SMARCA2: variants seen among roughly 807,000 people sequenced by gnomAD.
The protein encoded by SMARCA2 is SWI/SNF related BAF chromatin remodeling complex subunit ATPase 2.
A neutral mutation model predicts 199.8 loss-of-function variants in SMARCA2; 61 were observed. That is an observed-to-expected ratio of 0.31 (90% CI 0.25 to 0.38). The LOEUF (loss-of-function observed/expected upper bound fraction) is 0.38. SMARCA2 is among the 10% of genes least tolerant of loss of function. The pLI is 1.00. For missense variants in SMARCA2, 1,344 were observed against 2,012.2 expected (o/e 0.67, Z 6.35); for synonymous variants, 935 against 732.0 (o/e 1.28, Z -4.48).
chr9:2,119,430 G>T lies in SMARCA2; in HGVS notation c.3685-28G>T. ...TGTACCTTGCCCCAGCTGTCCACTG[G>T]TTAAAATCACTCTGTTTTTAACCCC... On this transcript the variant is annotated intron_variant, in intron 25 of 33. Coordinates refer to ENST00000349721, the MANE Select transcript of SMARCA2 (RefSeq NM_003070.5). The surrounding 1 kb of genome is among the most constrained non-coding windows in gnomAD (Gnocchi z 4.6). The T allele has an allele frequency of 6.4e-7, 1 of 1,550,956 alleles. No homozygotes were observed. Among genetic ancestry groups the T allele is most frequent in the Non-Finnish European group, 8.9e-7 (1 of 1,122,524 alleles).
At chr9:2,127,067 A>G (rs142821648) in intron 27 of SMARCA2, among the ~76,000 whole-genome samples, 1 of 152,178 alleles carries the variant, frequency 6.6e-6, no homozygotes, top group African/African-American at 2.4e-5. Flanking sequence ...TTTCTCTTGA[A>G]CTTTCCTCCT....
chr9:2,040,557 G>T (rs1819560638), intron 4 of SMARCA2: 1 of 152,404 alleles, frequency 6.6e-6, no homozygotes, highest in Non-Finnish European at 1.5e-5. Flanking sequence ...TTGGAAGGAA[G>T]TTCCTTACCA....
intron 26 of SMARCA2, among the ~76,000 whole-genome samples, chr9:2,121,058 G>C (rs1739105380): frequency 6.6e-6 from 1 of 152,206 alleles, no homozygotes; most frequent in African/African-American, 2.4e-5. Context: ...CAATAATTCA[G>C]CACTGCTAAA....
intron 5 of SMARCA2, among the ~76,000 whole-genome samples, chr9:2,049,655 A>G (rs987455947): frequency 3.3e-5 from 5 of 152,236 alleles, no homozygotes; most frequent in Admixed American, 1.3e-4. Context: ...TGGTGACAGC[A>G]TTATGGGGCA....
At chr9:2,045,987 T>C (rs1461169599) in intron 4 of SMARCA2, 1 of 152,216 alleles carries the variant, frequency 6.6e-6, no homozygotes, top group African/African-American at 2.4e-5. Context: ...TTGGTGATTG[T>C]TGGAAATTGA....
chr9:2,049,241 T>C (rs1469793079), intron 5 of SMARCA2, among the ~76,000 whole-genome samples: 1 of 152,246 alleles, frequency 6.6e-6, no homozygotes, highest in African/African-American at 2.4e-5. Context: ...TTTATTTTGC[T>C]AACTCCTAAA....
chr9:2,130,630 C>T (rs1823901186), intron 27 of SMARCA2, among the ~76,000 whole-genome samples: 1 of 151,894 alleles, frequency 6.6e-6, no homozygotes, highest in Non-Finnish European at 1.5e-5. Context: ...TGGTGTGTGC[C>T]CAAGGTGATA....
In SMARCA2 at chr9:2,178,708, TTTTG is replaced by T. The variant is rs143579944; in HGVS notation, c.4254-2851_4254-2848del. On this transcript the variant is annotated intron_variant, in intron 29 of 33. Transcript: ENST00000349721. ...AACTGTCAGGCTGCTTCACTTCCTT[TTTTG>T]TTTGTTTGTTTAATTTTTTTTTAAC... is the stretch of plus-strand genomic sequence containing the variant. Among the ~76,000 whole-genome samples the T allele has an allele frequency of 9.9e-3, 1,499 of 152,128 alleles. 16 individuals carry two copies. The highest frequency in any genetic ancestry group is 0.031 in the African/African-American group (1,264 of 41,440).
At chr9:2,184,897 C>G (rs192804874) in intron 31 of SMARCA2, among the ~76,000 whole-genome samples, 1 of 152,274 alleles carries the variant, frequency 6.6e-6, no homozygotes, top group East Asian at 1.9e-4. Flanking sequence ...CTCATACTCA[C>G]TGCCTATATT....
At chr9:2,066,688 G>GTTTTA (rs1820850649) in intron 9 of SMARCA2, among the ~76,000 whole-genome samples, 1 of 152,136 alleles carries the variant, frequency 6.6e-6, no homozygotes, top group South Asian at 2.1e-4. Flanking sequence ...GTTTTGTTTT[G>GTTTTA]TTTTCAATCA....
At chr9:2,126,003 C>G (rs1004104437) in intron 27 of SMARCA2, among the ~76,000 whole-genome samples, 1 of 152,186 alleles carries the variant, frequency 6.6e-6, no homozygotes, top group East Asian at 1.9e-4. Context: ...GTTTCTATCC[C>G]TGATGAGTAG....
At chr9:2,189,731 T>G (rs188567413) in intron 32 of SMARCA2, among the ~76,000 whole-genome samples, 2 of 152,168 alleles carry the variant, frequency 1.3e-5, no homozygotes, top group Non-Finnish European at 1.5e-5. Flanking sequence ...AAGCCTTGGC[T>G]AGGAGTACTA....
rs2130412211 is a variant in SMARCA2 at position 2,070,453 on chromosome 9, C to T, written c.1728C>T (p.Ala576=). The change falls in exon 10 of 34, where the codon GCC becomes GCT. Residue 576 remains alanine, a synonymous_variant. Coordinates refer to ENST00000349721, the MANE Select transcript of SMARCA2 (RefSeq NM_003070.5). ...AGAATGCAGAGGGTGGGGAGTCTGCCCTGGGACCGGATGGAGAGGTAAGGG... is the reference window on the plus strand; with the variant it reads ...AGAATGCAGAGGGTGGGGAGTCTGCTCTGGGACCGGATGGAGAGGTAAGGG... ...AEENAEGGES[A]LGPDGEPIDE... The T allele has an allele frequency of 6.2e-7, 1 of 1,613,682 alleles. No individual in the cohort carries two copies. The highest frequency in any genetic ancestry group is 8.5e-7 in the Non-Finnish European group (1 of 1,179,742).
At chr9:2,067,223 G>T (rs1425086951) in intron 9 of SMARCA2, among the ~76,000 whole-genome samples, 3 of 152,192 alleles carry the variant, frequency 2.0e-5, no homozygotes, top group Non-Finnish European at 4.4e-5. Flanking sequence ...AAATGTATTG[G>T]CATCTATTTA....
At chr9:2,072,946 G>A (rs913569615) in intron 10 of SMARCA2, among the ~76,000 whole-genome samples, 2 of 152,184 alleles carry the variant, frequency 1.3e-5, no homozygotes, top group Non-Finnish European at 2.9e-5. Flanking sequence ...TGCACTTCTA[G>A]CTCTTAACTC....
At chr9:2,142,853 T>C (rs1286340338) in intron 27 of SMARCA2, among the ~76,000 whole-genome samples, 1 of 152,144 alleles carries the variant, frequency 6.6e-6, no homozygotes, top group East Asian at 1.9e-4. Context: ...AGCTCTGTCA[T>C]CCTGAGAAAG....
intron 32 of SMARCA2, among the ~76,000 whole-genome samples, chr9:2,187,783 T>C (rs1827580559): frequency 6.6e-6 from 1 of 152,242 alleles, no homozygotes; most frequent in East Asian, 1.9e-4. Flanking sequence ...CTAAAACCTA[T>C]GTTTTACAGT....
intron 27 of SMARCA2, among the ~76,000 whole-genome samples, chr9:2,149,988 C>A (rs976168700): frequency 2.0e-5 from 3 of 151,450 alleles, no homozygotes; most frequent in Admixed American, 6.6e-5. Flanking sequence ...ACCAGACACT[C>A]CTCTACTGAC....
In SMARCA2 at chr9:2,077,719, G is replaced by A. The variant is rs748169431; in HGVS notation, c.2127G>A (p.Ser709=). 12 of 1,613,992 alleles carry A rather than the reference G, an allele frequency of 7.4e-6. No homozygotes were observed. Among genetic ancestry groups the A allele is most frequent in the Admixed American group, 1.7e-5 (1 of 59,998 alleles). ...ACTACACCGTGGCTCATGCCATCTC[G>A]GAGAGGGTGGAGAAACAGTCTGCCC... ...QSYYTVAHAI[S]ERVEKQSALL... Residue 709 remains serine, a synonymous_variant, in exon 14 of 34, where the codon TCG becomes TCA. Coordinates refer to ENST00000349721, the MANE Select transcript of SMARCA2 (RefSeq NM_003070.5).
Sources: allele counts gnomAD v4.1 joint callset (sites outside exome capture counted in the v4.1 genomes callset), GRCh38; gene constraint gnomAD v4.1.1; non-coding constraint Gnocchi (gnomAD v3.1); transcripts MANE v1.5; gene names NCBI Gene and HGNC (gene_info 2026-07-23, HGNC 2026-07-21).